The following CACNA2D3 variants were observed in gnomAD, a reference collection of about 807,000 sequenced individuals.
The protein encoded by CACNA2D3 is voltage-dependent calcium channel subunit alpha-2/delta-3.
A neutral mutation model predicts 160.6 loss-of-function variants in CACNA2D3; 60 were observed. The observed-to-expected ratio is 0.37, with a 90% CI of 0.30 to 0.46. CACNA2D3 has a LOEUF of 0.46. CACNA2D3 is among the 20% of genes least tolerant of loss of function. CACNA2D3 has a pLI of 1.00. For synonymous variants in CACNA2D3, 558 were observed against 492.9 expected, an observed-to-expected ratio of 1.13 and a Z score of -1.75; for missense variants, 1,205 against 1,365.0, an observed-to-expected ratio of 0.88 and a Z score of 1.85.
chr3:54,698,275 G>A (rs993859114), intron 11 of CACNA2D3, among the ~76,000 whole-genome samples: 2 of 152,134 alleles, frequency 1.3e-5, no homozygotes, highest in Non-Finnish European at 2.9e-5. Flanking sequence ...TCAGGGACTG[G>A]GGGATGGTTA....
chr3:54,858,157 T>C (rs1699212188), intron 17 of CACNA2D3, among the ~76,000 whole-genome samples: 1 of 151,972 alleles, frequency 6.6e-6, no homozygotes, highest in African/African-American at 2.4e-5. Context: ...AAGTGTTGAA[T>C]AATGATCTCT....
At chr3:54,810,423 C>G (rs563310354) in intron 13 of CACNA2D3, among the ~76,000 whole-genome samples, 12 of 152,290 alleles carry the variant, frequency 7.9e-5, no homozygotes, top group African/African-American at 2.9e-4. Context: ...TTTAACAGAA[C>G]TTTCTTTGCT....
At chr3:54,904,186 C>T (rs906157877) in intron 27 of CACNA2D3, among the ~76,000 whole-genome samples, 1 of 152,180 alleles carries the variant, frequency 6.6e-6, no homozygotes. Flanking sequence ...TTTGCCTTAA[C>T]TTACTTATTG....
chr3:54,548,852 T>A (rs573709090), intron 5 of CACNA2D3, among the ~76,000 whole-genome samples: 68 of 152,318 alleles, frequency 4.5e-4, no homozygotes, highest in African/African-American at 1.6e-3. Context: ...CCTGCAGTGG[T>A]CCATCTTCTC....
At chr3:54,881,799 A>T (rs1249628476) in intron 21 of CACNA2D3, among the ~76,000 whole-genome samples, 1 of 152,218 alleles carries the variant, frequency 6.6e-6, no homozygotes, top group Non-Finnish European at 1.5e-5. Flanking sequence ...TTACACATGT[A>T]TGTGGTGAGT....
intron 2 of CACNA2D3, among the ~76,000 whole-genome samples, chr3:54,132,526 T>C (rs1699732943): frequency 6.6e-6 from 1 of 152,220 alleles, no homozygotes. Flanking sequence ...CACAGCTCAC[T>C]AATCTTTTGA....
intron 22 of CACNA2D3, 22 bp downstream of exon 22, chr3:54,885,348 C>T (rs1299598348): frequency 1.2e-6 from 2 of 1,613,738 alleles, no homozygotes; most frequent in Admixed American, 1.7e-5. Context: ...ACCATCCCTC[C>T]TTGACCATGG....
At chr3:54,325,611 A>G (rs1292428407) in intron 3 of CACNA2D3, among the ~76,000 whole-genome samples, 1 of 152,156 alleles carries the variant, frequency 6.6e-6, no homozygotes, top group African/African-American at 2.4e-5. Flanking sequence ...CACAAACTTT[A>G]ACAGGTTTCA....
At chr3:54,757,822 C>G (rs1702001159) in intron 12 of CACNA2D3, among the ~76,000 whole-genome samples, 1 of 152,200 alleles carries the variant, frequency 6.6e-6, no homozygotes, top group African/African-American at 2.4e-5. Context: ...AGACTAGCAC[C>G]TTGTTCCAGA....
intron 29 of CACNA2D3, among the ~76,000 whole-genome samples, chr3:54,982,717 T>G (rs928983739): frequency 2.0e-5 from 3 of 151,956 alleles, no homozygotes; most frequent in Non-Finnish European, 4.4e-5. Context: ...TTTATGTTTT[T>G]TTTTTTTTTA....
At chr3:54,975,618 G>A (rs566051803) in intron 29 of CACNA2D3, among the ~76,000 whole-genome samples, 23 of 151,334 alleles carry the variant, frequency 1.5e-4, no homozygotes, top group East Asian at 5.9e-4. Context: ...CCAGTTCTCC[G>A]CCTTGTTCTC....
At chr3:54,393,375 C>T (rs1299626352) in intron 4 of CACNA2D3, among the ~76,000 whole-genome samples, 1 of 152,160 alleles carries the variant, frequency 6.6e-6, no homozygotes, top group African/African-American at 2.4e-5. Context: ...GTGGGTACTG[C>T]ACCGTCTTTG....
At chr3:55,064,940 C>T (rs977290792) in intron 35 of CACNA2D3, among the ~76,000 whole-genome samples, 3 of 152,124 alleles carry the variant, frequency 2.0e-5, no homozygotes, top group African/African-American at 4.8e-5. Context: ...ACACTTCCTT[C>T]GTTCCAACAG....
chr3:54,586,277 A>AAAAAAAG, intron 9 of CACNA2D3, among the ~76,000 whole-genome samples: 1 of 151,796 alleles, frequency 6.6e-6, no homozygotes, highest in Non-Finnish European at 1.5e-5. Context: ...AAAAAAAAAA[A>AAAAAAAG]AAAGAAACTC....
chr3:54,244,755 T>C (rs960534077), intron 2 of CACNA2D3, among the ~76,000 whole-genome samples: 2 of 152,244 alleles, frequency 1.3e-5, no homozygotes, highest in African/African-American at 4.8e-5. Flanking sequence ...TGCAAGACTT[T>C]AGCTTCATTG....
At chr3:54,366,379 A>G (rs1167121346) in intron 3 of CACNA2D3, among the ~76,000 whole-genome samples, 1 of 152,276 alleles carries the variant, frequency 6.6e-6, no homozygotes, top group Admixed American at 6.5e-5. Flanking sequence ...CACTTCATCT[A>G]GAAAACTTCT....
At chr3:54,227,684 A>G (rs1443039693) in intron 2 of CACNA2D3, among the ~76,000 whole-genome samples, 2 of 151,966 alleles carry the variant, frequency 1.3e-5, no homozygotes, top group African/African-American at 4.8e-5. Context: ...CCTCCCGAGT[A>G]GCTGGGATTA....
intron 9 of CACNA2D3, among the ~76,000 whole-genome samples, chr3:54,592,974 A>G (rs976151399): frequency 6.6e-6 from 1 of 152,184 alleles, no homozygotes; most frequent in African/African-American, 2.4e-5. Context: ...TTTGTGAGTG[A>G]TACTGGGGTG....
At chr3:54,874,479 G>C (rs1195968369) in intron 18 of CACNA2D3, 1 of 152,002 alleles carries the variant, frequency 6.6e-6, no homozygotes, top group South Asian at 2.1e-4. Context: ...TTTTTGTTTT[G>C]TTCCTATTAA....
Sources: allele counts gnomAD v4.1 joint callset (sites outside exome capture counted in the v4.1 genomes callset), GRCh38; gene constraint gnomAD v4.1.1; transcripts MANE v1.5; gene names NCBI Gene and HGNC (gene_info 2026-07-23, HGNC 2026-07-21).